The following PCDHGA10 variants were observed in gnomAD, a reference collection of about 807,000 sequenced individuals.
PCDHGA10 encodes the protein protocadherin gamma-A10.
A neutral mutation model predicts 59.5 loss-of-function variants in PCDHGA10; 42 were observed. That is an observed-to-expected ratio of 0.71 (90% confidence interval 0.55 to 0.91). The LOEUF is 0.91. PCDHGA10 is among the 40% of genes least tolerant of loss of function. PCDHGA10 has a pLI of 0.00. For synonymous variants in PCDHGA10, 511 were observed against 517.2 expected (o/e 0.99, Z 0.16); for missense variants, 1,111 against 1,198.2 (o/e 0.93, Z 1.07).
chr5:141,422,800 C>T, intron 1 of PCDHGA10: 1 of 1,614,214 alleles, frequency 6.2e-7, no homozygotes, highest in Non-Finnish European at 8.5e-7. Context: ...CGACTATGAG[C>T]AGTTTCGAGA....
In PCDHGA10 at chr5:141,485,778, G is replaced by A. The variant is rs575586552; in HGVS notation, c.2437-9029G>A. On this transcript the variant is annotated intron_variant, in intron 1 of 3. Coordinates refer to ENST00000398610, the MANE Select transcript of PCDHGA10 (RefSeq NM_018913.3). The surrounding 1 kb of genome is among the most constrained non-coding windows in gnomAD (Gnocchi z 5.7). ...CTGCTCCTGGAGAAGCCTTTGGATC[G>A]AGAGAAGCAATCGGACTACCGCCTG... is the stretch of plus-strand genomic sequence containing the variant. The A allele has an allele frequency of 1.2e-6, 2 of 1,614,216 alleles. No individual in the cohort carries two copies. Among genetic ancestry groups the A allele is most frequent in the Admixed American group, 1.7e-5 (1 of 60,028 alleles).
At chr5:141,482,956 CCAGCTACTTGAG>C (rs6149271) in intron 1 of PCDHGA10, among the ~76,000 whole-genome samples, 62,216 of 151,640 alleles carry the variant, frequency 0.41, 15,336 homozygotes, top group African/African-American at 0.7. Context: ...GCCTGTAATT[CCAGCTACTTGAG>C]CAGCTACTTG....
At chr5:141,464,913 AT>A (rs1366203949) in intron 1 of PCDHGA10, among the ~76,000 whole-genome samples, 1 of 151,428 alleles carries the variant, frequency 6.6e-6, no homozygotes, top group Non-Finnish European at 1.5e-5. Context: ...TAATTTTTTT[AT>A]TTTTTTGTAG....
At chr5:141,494,733 C>G in intron 1 of PCDHGA10, 74 bp from the exon 2 acceptor site, 1 of 1,610,826 alleles carries the variant, frequency 6.2e-7, no homozygotes, top group South Asian at 1.1e-5. Flanking sequence ...CTCTCCCGGC[C>G]CATCCCTAGG....
At chr5:141,427,780 T>C (rs2097069858) in intron 1 of PCDHGA10, 1 of 1,456,004 alleles carries the variant, frequency 6.9e-7, no homozygotes. Flanking sequence ...CTGCGGGCAC[T>C]GTCGTCCTAC....
Position 141,505,424 on chromosome 5 carries a change from C to T in PCDHGA10, c.2527C>T (p.Pro843Ser), listed in dbSNP as rs1422538114. The T allele has an allele frequency of 1.2e-6, 2 of 1,614,200 alleles. No individual in the cohort carries two copies. Among genetic ancestry groups the T allele is most frequent in the Non-Finnish European group, 1.7e-6 (2 of 1,180,028 alleles). Residue 843 changes from proline (P) to serine (S), a missense_variant, in exon 3 of 4, where the codon CCC (proline) becomes TCC (serine). Pro to Ser is a moderately conservative substitution (Grantham distance 74). Transcript: ENST00000398610. ...AAATGGCGATGACACCGGCACCTGG[C>T]CCAACAACCAGTTTGACACAGAGAT... is the stretch of plus-strand genomic sequence containing the variant. ...SQNGDDTGTW[P>S]NNQFDTEMLQ...
intron 1 of PCDHGA10, chr5:141,415,853 GTAGT>G: frequency 2.5e-6 from 3 of 1,186,350 alleles, no homozygotes; most frequent in Non-Finnish European, 3.3e-6. Context: ...GCAGAACCTT[GTAGT>G]TTATAGTGTT....
At chr5:141,419,796 T>C (rs1334397368) in intron 1 of PCDHGA10, 1 of 1,614,026 alleles carries the variant, frequency 6.2e-7, no homozygotes, top group Admixed American at 1.7e-5. Flanking sequence ...CTAGTCGCTG[T>C]AAGAGATGGA....
At position 141,476,761 on chromosome 5, in the gene PCDHGA10, G is replaced by C. The variant is rs1293828206; in HGVS notation, c.2437-18046G>C. ...AGCCTAGTCTCCAGTTAGTGCTGAC[G>C]GCGTTGGACGGAGGGACCCCAGCTC... On this transcript the variant is annotated intron_variant, in intron 1 of 3. Transcript: ENST00000398610. This position sits in a 1 kb window ranked among gnomAD's most constrained non-coding sequence, Gnocchi z 7.6. 6.2e-7 allele frequency: 1 copy of C among 1,613,734 alleles called. No individual in the cohort carries two copies. Among genetic ancestry groups the C allele is most frequent in the East Asian group, 2.2e-5 (1 of 44,884 alleles).
At chr5:141,500,045 T>C (rs2099796072) in intron 2 of PCDHGA10, among the ~76,000 whole-genome samples, 1 of 152,062 alleles carries the variant, frequency 6.6e-6, no homozygotes, top group South Asian at 2.1e-4. Flanking sequence ...CTTAAGTATC[T>C]TAATGCTCTT....
At position 141,477,879 on chromosome 5, in the gene PCDHGA10, A is replaced by T. The variant is rs932363258; in HGVS notation, c.2437-16928A>T. The T allele has an allele frequency of 3.4e-5, 55 of 1,614,060 alleles. No homozygotes were observed. The highest frequency in any genetic ancestry group is 4.6e-5 in the Non-Finnish European group (54 of 1,180,034). ...CTGCCTCGAGGTACCTCAGCTGGCCACCTAGTGTCACGGGTGGTAGGCTGG... is the reference window on the plus strand; with the variant it reads ...CTGCCTCGAGGTACCTCAGCTGGCCTCCTAGTGTCACGGGTGGTAGGCTGG... On this transcript the variant is annotated intron_variant, in intron 1 of 3. Coordinates refer to ENST00000398610, the MANE Select transcript of PCDHGA10 (RefSeq NM_018913.3). This position sits in a 1 kb window ranked among gnomAD's most constrained non-coding sequence, Gnocchi z 4.9.
intron 1 of PCDHGA10, chr5:141,418,385 G>A (rs759618059): frequency 8.7e-6 from 14 of 1,613,930 alleles, no homozygotes; most frequent in Admixed American, 1.7e-5. Flanking sequence ...AAGTCCTAAC[G>A]AGTATTTCTC....
intron 1 of PCDHGA10, among the ~76,000 whole-genome samples, chr5:141,446,891 C>T (rs1457416718): frequency 6.6e-6 from 1 of 152,152 alleles, no homozygotes; most frequent in South Asian, 2.1e-4. Context: ...GGGTTCATGG[C>T]TGAGCTACTT....
chr5:141,453,052 G>A (rs1299518260), intron 1 of PCDHGA10, among the ~76,000 whole-genome samples: 2 of 152,062 alleles, frequency 1.3e-5, no homozygotes, highest in East Asian at 3.9e-4. Flanking sequence ...ATTATGTGCA[G>A]TTTTAGAGTT....
rs766083208 is a variant in PCDHGA10, at chr5:141,477,506, G to A, written c.2437-17301G>A. 1.9e-6 allele frequency: 3 copies of A among 1,614,028 alleles called. No homozygotes were observed. Among genetic ancestry groups the A allele is most frequent in the South Asian group, 2.2e-5 (2 of 91,076 alleles). ...ACAATCTTCTCAATCTTCCTACGAC[G>A]TTTACATTGAAGAAAACAACCTCCC... On this transcript the variant is annotated intron_variant, in intron 1 of 3. Transcript: ENST00000398610. This position sits in a 1 kb window ranked among gnomAD's most constrained non-coding sequence, Gnocchi z 4.9.
intron 1 of PCDHGA10, among the ~76,000 whole-genome samples, chr5:141,454,371 G>A (rs901551817): frequency 6.6e-6 from 1 of 152,096 alleles, no homozygotes; most frequent in Non-Finnish European, 1.5e-5. Context: ...AAGGAGTATG[G>A]CAACTTGTCA....
chr5:141,472,838 T>C (rs1457889821), intron 1 of PCDHGA10, among the ~76,000 whole-genome samples: 1 of 151,464 alleles, frequency 6.6e-6, no homozygotes, highest in Non-Finnish European at 1.5e-5. Context: ...AATAGAAAAT[T>C]AGCTGGGCAT....
chr5:141,421,869 A>G lies in PCDHGA10; in HGVS notation c.2436+6258A>G, dbSNP rs200015978. 1.5e-5 allele frequency: 24 copies of G among 1,613,732 alleles called. No individual in the cohort carries two copies. The African/African-American group carries it at 3.1e-4, about 21-fold the overall frequency. ...AGGCTGCTCACCTGCTCCTCCTCAC[A>G]GCTTTAGATGGAGGCGATCCCATCC... On this transcript the variant is annotated intron_variant, in intron 1 of 3. Transcript: ENST00000398610.
chr5:141,468,952 G>GA (rs2099186671), intron 1 of PCDHGA10, among the ~76,000 whole-genome samples: 1 of 151,198 alleles, frequency 6.6e-6, no homozygotes. Context: ...TAAACCTGTG[G>GA]TTTTTTTTAC....
Sources: gnomAD v4.1 joint callset for allele counts (sites outside exome capture counted in the v4.1 genomes callset) on GRCh38, gnomAD v4.1.1 for gene constraint, Gnocchi (gnomAD v3.1) non-coding constraint, MANE v1.5 for transcripts, NCBI Gene and HGNC (gene_info 2026-07-23, HGNC 2026-07-21) for gene names.